Variants in SPAG16 observed in about 807,000 individuals in gnomAD.
The protein encoded by SPAG16 is sperm-associated antigen 16 protein.
In SPAG16, 86 loss-of-function variants were observed where a neutral mutation model predicts 80.4. The observed-to-expected ratio is 1.07, with a 90% CI of 0.90 to 1.28. SPAG16 has a LOEUF of 1.28. SPAG16 is among the 50% of genes most tolerant of loss of function. The pLI is 0.00. For missense variants in SPAG16, 870 were observed against 765.3 expected (o/e 1.14, Z -1.61); for synonymous variants, 294 against 265.9 (o/e 1.11, Z -1.03).
chr2:213,812,764 A>G (rs1422533554), intron 10 of SPAG16, among the ~76,000 whole-genome samples: 2 of 152,092 alleles, frequency 1.3e-5, no homozygotes, highest in Admixed American at 1.3e-4. Flanking sequence ...GTTTTATTAC[A>G]TGTAACTAGG....
intron 15 of SPAG16, among the ~76,000 whole-genome samples, chr2:214,383,090 G>GA (rs1458213838): frequency 6.6e-6 from 1 of 152,034 alleles, no homozygotes; most frequent in African/African-American, 2.4e-5. Context: ...GAATAGAGGT[G>GA]AAAAAACACA....
At chr2:214,122,977 G>A (rs981207230) in intron 14 of SPAG16, among the ~76,000 whole-genome samples, 2 of 151,776 alleles carry the variant, frequency 1.3e-5, no homozygotes, top group East Asian at 1.9e-4. Flanking sequence ...CCTATACTAT[G>A]TGATTTTTTA....
intron 10 of SPAG16, among the ~76,000 whole-genome samples, chr2:213,844,307 TG>T (rs1379671683): frequency 1.3e-5 from 2 of 152,104 alleles, no homozygotes; most frequent in Non-Finnish European, 2.9e-5. Flanking sequence ...ATGGAAAAGA[TG>T]GAGTCAAGAA....
rs73072944 is a variant in SPAG16, at chr2:213,986,830, A to G, written c.1401-27121A>G. 5.5e-3 allele frequency among the ~76,000 whole-genome samples: 810 copies of G among 147,702 alleles called. 5 individuals carry two copies. Among genetic ancestry groups the G allele is most frequent in the African/African-American group, 0.02 (783 of 39,584 alleles). On this transcript the variant is annotated intron_variant, in intron 12 of 15. Coordinates refer to ENST00000331683, the MANE Select transcript of SPAG16 (RefSeq NM_024532.5). ...TAAAACATAGTGTAAGTATTTGTCT[A>G]ATTTAATAATGCCAATTAACTGAAA...
intron 15 of SPAG16, among the ~76,000 whole-genome samples, chr2:214,390,110 A>G (rs1291628816): frequency 6.6e-6 from 1 of 152,100 alleles, no homozygotes; most frequent in Non-Finnish European, 1.5e-5. Flanking sequence ...AAACAATACA[A>G]TTTTTCTCTC....
At chr2:213,719,872 A>G (rs1218984887) in intron 10 of SPAG16, among the ~76,000 whole-genome samples, 1 of 152,212 alleles carries the variant, frequency 6.6e-6, no homozygotes, top group East Asian at 1.9e-4. Context: ...ATTCTACTGC[A>G]AACACACATG....
At chr2:214,383,300 C>A (rs1559259879) in intron 15 of SPAG16, among the ~76,000 whole-genome samples, 4 of 152,250 alleles carry the variant, frequency 2.6e-5, no homozygotes, top group Admixed American at 6.5e-5. Flanking sequence ...ACACTGGGCA[C>A]AGTGGCTCAC....
intron 15 of SPAG16, among the ~76,000 whole-genome samples, chr2:214,237,226 A>G (rs1213346946): frequency 6.6e-6 from 1 of 152,158 alleles, no homozygotes; most frequent in African/African-American, 2.4e-5. Flanking sequence ...ACTTCTAAAG[A>G]TAAAGAAAGC....
chr2:213,477,217 A>C (rs1220311205), intron 9 of SPAG16, among the ~76,000 whole-genome samples: 1 of 152,186 alleles, frequency 6.6e-6, no homozygotes, highest in East Asian at 1.9e-4. Context: ...GCTTTAGGCT[A>C]TCCTTGGCTT....
At chr2:214,380,007 C>T (rs1214916110) in intron 15 of SPAG16, among the ~76,000 whole-genome samples, 1 of 152,182 alleles carries the variant, frequency 6.6e-6, no homozygotes, top group Admixed American at 6.5e-5. Context: ...CATGAGGGCA[C>T]ACTGCATTGT....
intron 12 of SPAG16, among the ~76,000 whole-genome samples, chr2:213,995,064 G>A (rs765598181): frequency 2.0e-5 from 3 of 152,156 alleles, no homozygotes; most frequent in Non-Finnish European, 4.4e-5. Context: ...AGAGAAATGG[G>A]AATGAGGATG....
At chr2:213,408,080 A>G (rs6718695) in intron 9 of SPAG16, among the ~76,000 whole-genome samples, 3,812 of 151,492 alleles carry the variant, frequency 0.025, 157 homozygotes, top group African/African-American at 0.086. Context: ...GAGAGAGAGA[A>G]AGAGAAAAAT....
In SPAG16 at chr2:213,560,988, C is replaced by T. The variant is rs149187081; in HGVS notation, c.1070+70898C>T. Reference sequence around the variant, plus strand: ...AAGAGAATCTCCTGTCTCAGCCTCCCGAGTAACTGGGATTACAGGCCTCTG... The same window carrying T: ...AAGAGAATCTCCTGTCTCAGCCTCCTGAGTAACTGGGATTACAGGCCTCTG... On this transcript the variant is annotated intron_variant, in intron 10 of 15. Coordinates refer to ENST00000331683, the MANE Select transcript of SPAG16 (RefSeq NM_024532.5). 9.0e-4 allele frequency among the ~76,000 whole-genome samples: 137 copies of T among 152,244 alleles called. 2 individuals carry two copies. The highest frequency in any genetic ancestry group is 3.4e-3 in the Middle Eastern group (1 of 294).
At chr2:213,926,199 A>G (rs1463818393) in intron 11 of SPAG16, among the ~76,000 whole-genome samples, 1 of 152,128 alleles carries the variant, frequency 6.6e-6, no homozygotes, top group Non-Finnish European at 1.5e-5. Flanking sequence ...TCATCTGTCT[A>G]TAGTTGGGAT....
intron 15 of SPAG16, among the ~76,000 whole-genome samples, chr2:214,316,672 T>C (rs1559207143): frequency 6.6e-6 from 1 of 152,166 alleles, no homozygotes; most frequent in Non-Finnish European, 1.5e-5. Context: ...TAATCCAAAT[T>C]TGTAGATCCT....
At chr2:213,422,553 C>A in intron 9 of SPAG16, 1 of 436,624 alleles carries the variant, frequency 2.3e-6, no homozygotes, top group African/African-American at 2.0e-5. Context: ...CCCAGCAGGC[C>A]CAAGCAAAAC....
At chr2:214,186,667 C>T (rs1435807338) in intron 15 of SPAG16, among the ~76,000 whole-genome samples, 1 of 152,008 alleles carries the variant, frequency 6.6e-6, no homozygotes, top group Non-Finnish European at 1.5e-5. Flanking sequence ...ACTAACCTGA[C>T]TAAGTACACT....
chr2:213,676,576 A>G (rs2064088603), intron 10 of SPAG16, among the ~76,000 whole-genome samples: 1 of 152,142 alleles, frequency 6.6e-6, no homozygotes, highest in African/African-American at 2.4e-5. Flanking sequence ...TAATTTGTTG[A>G]GAGTTTTTAG....
At chr2:213,380,378 T>G (rs1448003687) in intron 9 of SPAG16, among the ~76,000 whole-genome samples, 1 of 152,160 alleles carries the variant, frequency 6.6e-6, no homozygotes, top group Non-Finnish European at 1.5e-5. Context: ...TGATCATAGG[T>G]AACTCCCCAT....
Sources: gnomAD v4.1 joint callset for allele counts (sites outside exome capture counted in the v4.1 genomes callset) on GRCh38, gnomAD v4.1.1 for gene constraint, MANE v1.5 for transcripts, NCBI Gene and HGNC (gene_info 2026-07-23, HGNC 2026-07-21) for gene names.